Variants in CTDSPL observed in about 807,000 individuals in gnomAD.
The protein encoded by CTDSPL is CTD small phosphatase like.
CTDSPL carries 8 observed loss-of-function variants against 30.5 expected under a neutral mutation model. The observed-to-expected ratio is 0.26, with a 90% confidence interval of 0.15 to 0.47. The LOEUF is 0.47. Among genes scored for constraint, CTDSPL ranks in the 20% least tolerant of loss-of-function variants. The pLI, the probability that CTDSPL is intolerant of heterozygous loss-of-function variation, is 0.99. For missense variants in CTDSPL, 248 were observed against 366.1 expected, an observed-to-expected ratio of 0.68 and a Z score of 2.63; for synonymous variants, 110 against 137.9, an observed-to-expected ratio of 0.80 and a Z score of 1.42.
In CTDSPL at chr3:37,862,174, G is replaced by A; in HGVS notation, c.-26G>A. The A allele has an allele frequency of 9.0e-7, 1 of 1,116,970 alleles. No homozygotes were observed. Among genetic ancestry groups the A allele is most frequent in the East Asian group, 4.6e-5 (1 of 21,736 alleles). 69.2% of individuals were successfully genotyped at this position (1,116,970 alleles called of 1,614,324 possible). A position where few individuals can be genotyped will look rare whatever the true frequency, so the allele number is the denominator to read the frequency against. The stretch of plus-strand genomic sequence containing the variant: ...GCTTGGCTTGCGGGGGGCCGGGCCT[G>A]CGGGCGGCCGCCGCGCCGCGCACCC... On this transcript the variant is annotated 5_prime_UTR_variant, in exon 1 of 8. Transcript: ENST00000273179. This position sits in a 1 kb window ranked among gnomAD's most constrained non-coding sequence, Gnocchi z 4.3.
intron 1 of CTDSPL, among the ~76,000 whole-genome samples, chr3:37,904,833 C>G (rs981215993): frequency 3.3e-5 from 5 of 152,154 alleles, no homozygotes; most frequent in African/African-American, 1.2e-4. Flanking sequence ...CTCTTAAATG[C>G]AATATTACAG....
intron 1 of CTDSPL, among the ~76,000 whole-genome samples, chr3:37,891,503 C>T (rs1025097366): frequency 6.6e-6 from 1 of 152,218 alleles, no homozygotes; most frequent in Non-Finnish European, 1.5e-5. Context: ...GCATTAAAAC[C>T]CAGACTGTCC....
At chr3:37,953,481 CTG>C (rs751826144) in intron 2 of CTDSPL, among the ~76,000 whole-genome samples, 1 of 152,078 alleles carries the variant, frequency 6.6e-6, no homozygotes, top group Non-Finnish European at 1.5e-5. Context: ...AGAAAGAAAA[CTG>C]GAATTATTTG....
chr3:37,882,099 G>A (rs765101253), intron 1 of CTDSPL, among the ~76,000 whole-genome samples: 3 of 152,178 alleles, frequency 2.0e-5, no homozygotes, highest in Non-Finnish European at 4.4e-5. Flanking sequence ...CCTGAGGTCA[G>A]GAGTTTGAGA....
chr3:37,888,167 G>T (rs947799363), intron 1 of CTDSPL, among the ~76,000 whole-genome samples: 3 of 152,186 alleles, frequency 2.0e-5, no homozygotes, highest in Non-Finnish European at 4.4e-5. Context: ...CTGACAGCAG[G>T]AAAAACATCT....
intron 1 of CTDSPL, among the ~76,000 whole-genome samples, chr3:37,891,793 A>G (rs1195610908): frequency 6.6e-6 from 1 of 152,200 alleles, no homozygotes; most frequent in Non-Finnish European, 1.5e-5. Context: ...ATCCATAGAG[A>G]ATAAGGATGA....
intron 1 of CTDSPL, among the ~76,000 whole-genome samples, chr3:37,927,918 C>T (rs1698804197): frequency 1.3e-5 from 2 of 151,968 alleles, no homozygotes; most frequent in African/African-American, 2.4e-5. Flanking sequence ...CATTAAATAC[C>T]TCATGTAAGT....
intron 1 of CTDSPL, among the ~76,000 whole-genome samples, chr3:37,864,615 A>G (rs1697988107): frequency 6.6e-6 from 1 of 152,098 alleles, no homozygotes; most frequent in African/African-American, 2.4e-5. Flanking sequence ...AATAAACTCT[A>G]GAGTCAAATG....
At chr3:37,907,872 A>G (rs1698535722) in intron 1 of CTDSPL, among the ~76,000 whole-genome samples, 1 of 152,224 alleles carries the variant, frequency 6.6e-6, no homozygotes, top group Admixed American at 6.5e-5. Flanking sequence ...ATAAAGGGAA[A>G]TAAAAAAGCA....
At chr3:37,908,595 A>G (rs910618051) in intron 1 of CTDSPL, among the ~76,000 whole-genome samples, 3 of 152,226 alleles carry the variant, frequency 2.0e-5, no homozygotes, top group Non-Finnish European at 2.9e-5. Context: ...AGAGGAAGGT[A>G]TCTATGCTGC....
rs187353763 is a variant in CTDSPL at position 37,961,042 on chromosome 3, T to A, written c.268-3529T>A. ...CTTGATTTTATATTTTCTTCTAGTA[T>A]TTTAATAGTTTTTAATAGTTTCACC... On this transcript the variant is annotated intron_variant, in intron 3 of 7. Coordinates refer to ENST00000273179, the MANE Select transcript of CTDSPL (RefSeq NM_001008392.2). Among the ~76,000 whole-genome samples the A allele has an allele frequency of 2.0e-5, 3 of 152,308 alleles. No individual in the cohort carries two copies. In the East Asian group the frequency reaches 5.8e-4, roughly 29 times the overall value.
intron 1 of CTDSPL, among the ~76,000 whole-genome samples, chr3:37,905,594 C>A (rs189837307): frequency 1.3e-5 from 2 of 152,024 alleles, no homozygotes; most frequent in South Asian, 2.1e-4. Flanking sequence ...TTCCTTCCCC[C>A]CCTCCCTCCT....
intron 1 of CTDSPL, among the ~76,000 whole-genome samples, chr3:37,918,070 A>G (rs1194464933): frequency 3.3e-5 from 5 of 152,206 alleles, no homozygotes; most frequent in Non-Finnish European, 7.3e-5. Context: ...AGGAGGAAAT[A>G]GGAAACATAC....
intron 1 of CTDSPL, among the ~76,000 whole-genome samples, chr3:37,899,611 C>T (rs952309556): frequency 1.3e-5 from 2 of 152,116 alleles, no homozygotes; most frequent in Admixed American, 6.6e-5. Flanking sequence ...TCAGAAGACA[C>T]GCTCAAACTG....
intron 1 of CTDSPL, among the ~76,000 whole-genome samples, chr3:37,907,941 C>T (rs1164078395): frequency 6.6e-6 from 1 of 152,226 alleles, no homozygotes; most frequent in African/African-American, 2.4e-5. Context: ...AACTATCACA[C>T]ATGGTAAATG....
intron 1 of CTDSPL, among the ~76,000 whole-genome samples, chr3:37,886,171 A>G: frequency 6.6e-6 from 1 of 152,080 alleles, no homozygotes; most frequent in Non-Finnish European, 1.5e-5. Context: ...TTCCCAAAAC[A>G]TGACTTTTCC....
intron 1 of CTDSPL, among the ~76,000 whole-genome samples, chr3:37,883,904 G>A (rs1698235509): frequency 6.6e-6 from 1 of 152,110 alleles, no homozygotes; most frequent in African/African-American, 2.4e-5. Context: ...TCTTTATAAT[G>A]TCTGTAGAAT....
At chr3:37,901,581 C>T (rs1343443384) in intron 1 of CTDSPL, among the ~76,000 whole-genome samples, 2 of 152,166 alleles carry the variant, frequency 1.3e-5, no homozygotes, top group Non-Finnish European at 2.9e-5. Context: ...AACAATGGCT[C>T]ATATTTATTG....
chr3:37,865,326 C>T (rs536225878), intron 1 of CTDSPL, among the ~76,000 whole-genome samples: 17 of 152,266 alleles, frequency 1.1e-4, no homozygotes, highest in Non-Finnish European at 1.6e-4. Context: ...ACAAGAAAGT[C>T]GTAGAGGAAG....
Sources: gnomAD v4.1 joint callset for allele counts (sites outside exome capture counted in the v4.1 genomes callset) on GRCh38, gnomAD v4.1.1 for gene constraint, Gnocchi (gnomAD v3.1) non-coding constraint, MANE v1.5 for transcripts, NCBI Gene and HGNC (gene_info 2026-07-23, HGNC 2026-07-21) for gene names.